UNC79: variants seen among roughly 807,000 people sequenced by gnomAD.
UNC79 encodes unc-79 subunit of NALCN channel complex.
In UNC79, 37 loss-of-function variants were observed where a neutral mutation model predicts 283.1. The observed-to-expected ratio is 0.13, with a 90% confidence interval of 0.10 to 0.17. The LOEUF (loss-of-function observed/expected upper bound fraction) is 0.17. UNC79 is among the 10% of genes least tolerant of loss of function. The pLI is 1.00. For synonymous variants in UNC79, 1,107 were observed against 1,200.2 expected, an observed-to-expected ratio of 0.92 and a Z score of 1.61; for missense variants, 2,272 against 3,211.1, an observed-to-expected ratio of 0.71 and a Z score of 7.07.
chr14:93,417,785 CT>C (rs2055495980), intron 1 of UNC79, among the ~76,000 whole-genome samples: 1 of 152,104 alleles, frequency 6.6e-6, no homozygotes, highest in Admixed American at 6.5e-5. Context: ...TCTTCCATCA[CT>C]GATACCCTTT....
chr14:93,492,257 A>T (rs1464068727), intron 5 of UNC79, among the ~76,000 whole-genome samples: 2 of 152,236 alleles, frequency 1.3e-5, no homozygotes, highest in African/African-American at 4.8e-5. Flanking sequence ...TATATTAGAC[A>T]GTGTTAATTT....
At chr14:93,376,494 A>G (rs537999241) in intron 1 of UNC79, among the ~76,000 whole-genome samples, 1 of 152,312 alleles carries the variant, frequency 6.6e-6, no homozygotes, top group South Asian at 2.1e-4. Context: ...TCCTATACAC[A>G]TATACACATA....
intron 29 of UNC79, among the ~76,000 whole-genome samples, chr14:93,619,169 A>C (rs2066942425): frequency 1.3e-5 from 2 of 152,216 alleles, no homozygotes; most frequent in Non-Finnish European, 2.9e-5. Context: ...TGAAAGTTCC[A>C]AAAATCTAGT....
At chr14:93,600,397 T>C (rs2142035531) in intron 24 of UNC79, among the ~76,000 whole-genome samples, 172 bp from the exon 25 acceptor site, 1 of 152,350 alleles carries the variant, frequency 6.6e-6, no homozygotes, top group Non-Finnish European at 1.5e-5. Flanking sequence ...TTTTCTTTCC[T>C]ACCAAAACTT....
chr14:93,363,752 T>C (rs1384787850), intron 1 of UNC79, among the ~76,000 whole-genome samples: 2 of 151,966 alleles, frequency 1.3e-5, no homozygotes, highest in Non-Finnish European at 2.9e-5. Context: ...GGAGTCTCAC[T>C]CTGTTGCCCA....
At chr14:93,466,927 T>C (rs1353694933) in intron 1 of UNC79, 3 of 985,034 alleles carry the variant, frequency 3.0e-6, no homozygotes, top group East Asian at 1.1e-4. Flanking sequence ...AATAAATCTA[T>C]TGAGTCCCTC....
At chr14:93,335,139 C>G (rs931401727) in intron 1 of UNC79, 3 of 152,244 alleles carry the variant, frequency 2.0e-5, no homozygotes, top group Non-Finnish European at 4.4e-5. Context: ...CAAGTAAGGT[C>G]TGCTGGTTGC....
chr14:93,419,999 C>T (rs894548697), intron 1 of UNC79, among the ~76,000 whole-genome samples: 5 of 151,050 alleles, frequency 3.3e-5, no homozygotes, highest in African/African-American at 7.3e-5. Flanking sequence ...TAAATCGTAC[C>T]ACCAGAGAAA....
At chr14:93,398,065 G>T (rs1434233334) in intron 1 of UNC79, among the ~76,000 whole-genome samples, 1 of 152,056 alleles carries the variant, frequency 6.6e-6, no homozygotes, top group Non-Finnish European at 1.5e-5. Flanking sequence ...AATTTCAGAG[G>T]TCCCTACTCC....
chr14:93,623,906 A>G (rs139823260), intron 30 of UNC79, among the ~76,000 whole-genome samples: 122 of 152,292 alleles, frequency 8.0e-4, no homozygotes, highest in African/African-American at 2.8e-3. Flanking sequence ...AATAAAATAA[A>G]ATAAAAAAGT....
chr14:93,694,176 G>A (rs190878993), intron 46 of UNC79, among the ~76,000 whole-genome samples, 159 bp from the exon 50 acceptor site: 1 of 152,266 alleles, frequency 6.6e-6, no homozygotes, highest in African/African-American at 2.4e-5. Flanking sequence ...CTGGTTTGAC[G>A]TTTCAGAGGT....
intron 30 of UNC79, among the ~76,000 whole-genome samples, chr14:93,630,360 T>TC (rs1417933831): frequency 6.6e-6 from 1 of 152,154 alleles, no homozygotes; most frequent in Non-Finnish European, 1.5e-5. Context: ...TGTAGAAGCC[T>TC]CCCTAAAGGA....
At chr14:93,386,868 A>G (rs183889958) in intron 1 of UNC79, among the ~76,000 whole-genome samples, 3 of 149,558 alleles carry the variant, frequency 2.0e-5, no homozygotes, top group Non-Finnish European at 4.5e-5. Flanking sequence ...TAAAAAACCA[A>G]GTTTTTGTTT....
intron 4 of UNC79, among the ~76,000 whole-genome samples, chr14:93,480,733 C>T (rs1197796611): frequency 2.0e-5 from 3 of 152,022 alleles, no homozygotes; most frequent in Non-Finnish European, 4.4e-5. Context: ...GTCCGTGTGT[C>T]GTATTCATGT....
intron 1 of UNC79, among the ~76,000 whole-genome samples, chr14:93,456,848 G>A (rs1364824500): frequency 6.6e-6 from 1 of 152,102 alleles, no homozygotes; most frequent in Non-Finnish European, 1.5e-5. Context: ...CTGTCTGTTT[G>A]GCCTTCTGAC....
At chr14:93,426,245 G>A (rs1212587934), upstream of UNC79, among the ~76,000 whole-genome samples, 1 of 151,812 alleles carries the variant, frequency 6.6e-6, no homozygotes, top group Admixed American at 6.6e-5. Flanking sequence ...ATCATTCTCT[G>A]GTTGGTTCCA....
At chr14:93,587,214 C>T (rs1323935415) in intron 22 of UNC79, among the ~76,000 whole-genome samples, 6 of 152,008 alleles carry the variant, frequency 3.9e-5, no homozygotes, top group African/African-American at 4.8e-5. Flanking sequence ...CCAAAAAATA[C>T]GTTAATATTT....
intron 25 of UNC79, among the ~76,000 whole-genome samples, chr14:93,601,058 G>A (rs1280462536): frequency 2.0e-5 from 3 of 152,110 alleles, no homozygotes; most frequent in Non-Finnish European, 4.4e-5. Flanking sequence ...ACATTTGTGA[G>A]CAATTTTAGG....
intron 20 of UNC79, among the ~76,000 whole-genome samples, chr14:93,584,395 C>A (rs2064060951): frequency 6.6e-6 from 1 of 152,158 alleles, no homozygotes; most frequent in Non-Finnish European, 1.5e-5. Context: ...GGATGGGGAC[C>A]TGGGAATGGG....
Sources: allele counts gnomAD v4.1 joint callset (sites outside exome capture counted in the v4.1 genomes callset), GRCh38; gene constraint gnomAD v4.1.1; transcripts MANE v1.5; gene names NCBI Gene and HGNC (gene_info 2026-07-23, HGNC 2026-07-21).